The following TUFT1 variants were observed in gnomAD, a reference collection of about 807,000 sequenced individuals.
TUFT1 encodes tuftelin 1, also known as tuftelin.
A neutral mutation model predicts 57.8 loss-of-function variants in TUFT1; 43 were observed. The observed-to-expected ratio is 0.74, with a 90% CI of 0.58 to 0.96. The LOEUF is 0.96. TUFT1 is among the 40% of genes least tolerant of loss of function. The probability of loss-of-function intolerance (pLI) is 0.00; values close to 1 mark genes in which losing one functional copy is unlikely to be tolerated. For missense variants in TUFT1, 459 were observed against 489.0 expected (o/e 0.94, Z 0.58); for synonymous variants, 166 against 176.7 (o/e 0.94, Z 0.48).
At chr1:151,555,891 T>C (rs537706662) in intron 1 of TUFT1, among the ~76,000 whole-genome samples, 3 of 152,162 alleles carry the variant, frequency 2.0e-5, no homozygotes, top group South Asian at 4.2e-4. Context: ...TGCAAAACTG[T>C]GGTACTCTAT....
chr1:151,578,178 T>C (rs1666538499), intron 9 of TUFT1, among the ~76,000 whole-genome samples: 1 of 152,192 alleles, frequency 6.6e-6, no homozygotes, highest in South Asian at 2.1e-4. Flanking sequence ...AAAAACAGCT[T>C]CCCTGGAACC....
In TUFT1 at chr1:151,540,314, G is replaced by A. The variant is rs1473826015; in HGVS notation, c.-53G>A. Reference sequence around the variant, plus strand: ...GGTTCCGCGCGCGCCCGCCCAGTTGGAGCCAGACAGCGGGGTGGACAAGTG... The same window carrying A: ...GGTTCCGCGCGCGCCCGCCCAGTTGAAGCCAGACAGCGGGGTGGACAAGTG... On this transcript the variant is annotated 5_prime_UTR_variant, in exon 1 of 13. Coordinates refer to ENST00000368849, the MANE Select transcript of TUFT1 (RefSeq NM_020127.3). 11 of 1,612,576 alleles carry A rather than the reference G, an allele frequency of 6.8e-6. No individual in the cohort carries two copies. The highest frequency in any genetic ancestry group is 8.5e-6 in the Non-Finnish European group (10 of 1,179,060).
intron 9 of TUFT1, among the ~76,000 whole-genome samples, chr1:151,576,352 C>G (rs918807602): frequency 2.6e-5 from 4 of 152,126 alleles, no homozygotes; most frequent in Non-Finnish European, 5.9e-5. Context: ...TGTGGGTTTT[C>G]CATACCAAGC....
rs200225347 is a variant in TUFT1 at position 151,540,439 on chromosome 1, G to T, written c.60+13G>T. 1.0e-4 allele frequency: 162 copies of T among 1,614,062 alleles called. No individual in the cohort carries two copies. Among genetic ancestry groups the T allele is most frequent in the Non-Finnish European group, 1.3e-4 (156 of 1,179,912 alleles). On this transcript the variant is annotated intron_variant, in intron 1 of 12. Transcript: ENST00000368849. ...GGACCAGGCGGCGGTAAGAAAAAGC[G>T]CTCTCGCTGTCTTCTCCGTTTTGTA...
chr1:151,581,596 A>G lies in TUFT1; in HGVS notation c.1110-48A>G, dbSNP rs372540923. On this transcript the variant is annotated intron_variant, in intron 12 of 12. Transcript: ENST00000368849. ...AGGGGCTCTGTGAAGGGTGGGCCAC[A>G]ACACAGCTGTTCCCAGCACAACTCA... is the stretch of plus-strand genomic sequence containing the variant. The G allele has an allele frequency of 2.9e-5, 46 of 1,598,318 alleles. No homozygotes were observed. In the African/African-American group the frequency reaches 4.7e-4, roughly 16 times the overall value.
Position 151,578,820 on chromosome 1 carries a change from A to C in TUFT1, c.918A>C (p.Ile306=), listed in dbSNP as rs373100970. Residue 306 remains isoleucine, a synonymous_variant, in exon 10 of 13, where the codon ATA becomes ATC. Transcript: ENST00000368849. ...AGCAGCGGAAAGTCCGGCAAATGAT[A>C]GAGCAGGTAAGTTGGGCTGGTTTGT... is the stretch of plus-strand genomic sequence containing the variant. ...KSQQRKVRQM[I]EQLQNSKAVI... 16 of 1,562,204 alleles carry C rather than the reference A, an allele frequency of 1.0e-5. No individual in the cohort carries two copies. Among genetic ancestry groups the C allele is most frequent in the Non-Finnish European group, 1.4e-5 (16 of 1,151,862 alleles).
intron 1 of TUFT1, among the ~76,000 whole-genome samples, chr1:151,561,118 C>T (rs920276717): frequency 1.3e-5 from 2 of 151,820 alleles, no homozygotes; most frequent in Admixed American, 6.6e-5. Context: ...CTCAGCCTCC[C>T]GAGTAGCTGG....
chr1:151,559,191 C>T (rs1665804575), intron 1 of TUFT1, among the ~76,000 whole-genome samples: 1 of 152,208 alleles, frequency 6.6e-6, no homozygotes, highest in Non-Finnish European at 1.5e-5. Flanking sequence ...GTAATATTTT[C>T]TTGACCTAGA....
intron 6 of TUFT1, among the ~76,000 whole-genome samples, chr1:151,566,921 G>A (rs1666103139): frequency 6.6e-6 from 1 of 151,864 alleles, no homozygotes; most frequent in Non-Finnish European, 1.5e-5. Flanking sequence ...TTGACTGATT[G>A]ATTGATTGAT....
chr1:151,545,794 A>G lies in TUFT1; in HGVS notation c.60+5368A>G, dbSNP rs767485608. 10 of 530,656 alleles carry G rather than the reference A, an allele frequency of 1.9e-5. No individual in the cohort carries two copies. The African/African-American group carries it at 1.9e-4, about 10-fold the overall frequency. 32.9% of individuals were successfully genotyped at this position (530,656 alleles called of 1,614,324 possible). A position where few individuals can be genotyped will look rare whatever the true frequency, so the allele number is the denominator to read the frequency against. Reference sequence around the variant, plus strand: ...AGGCCTACAGATAGACCCAGGGTGAAGACCTGAGTAACCTTTGCTAGTCCT... The same window carrying G: ...AGGCCTACAGATAGACCCAGGGTGAGGACCTGAGTAACCTTTGCTAGTCCT... On this transcript the variant is annotated intron_variant, in intron 1 of 12. Transcript: ENST00000368849.
At chr1:151,569,156 A>G (rs1224154007) in intron 6 of TUFT1, among the ~76,000 whole-genome samples, 1 of 152,192 alleles carries the variant, frequency 6.6e-6, no homozygotes, top group Non-Finnish European at 1.5e-5. Context: ...CTGTCCATCC[A>G]TCAGTAACCC....
rs181643703 is a variant in TUFT1 at position 151,551,681 on chromosome 1, G to A, written c.61-10410G>A. Among the ~76,000 whole-genome samples the A allele has an allele frequency of 4.6e-5, 7 of 152,248 alleles. No individual in the cohort carries two copies. The East Asian group carries it at 1.4e-3, about 29-fold the overall frequency. On this transcript the variant is annotated intron_variant, in intron 1 of 12. Transcript: ENST00000368849. ...AGACCCGTTAGCAGAAACAGACTTG[G>A]CTTTGGATGCCTTCTACAATTGGAT...
In TUFT1 at chr1:151,545,787, A is replaced by G. The variant is rs774776076; in HGVS notation, c.60+5361A>G. 2 of 529,392 alleles carry G rather than the reference A, an allele frequency of 3.8e-6. 1 individual carries two copies. The highest frequency in any genetic ancestry group is 3.9e-5 in the Admixed American group (2 of 51,362). 32.8% of individuals were successfully genotyped at this position (529,392 alleles called of 1,614,324 possible). ...GAGAGGAAGGCCTACAGATAGACCC[A>G]GGGTGAAGACCTGAGTAACCTTTGC... On this transcript the variant is annotated intron_variant, in intron 1 of 12. Coordinates refer to ENST00000368849, the MANE Select transcript of TUFT1 (RefSeq NM_020127.3).
chr1:151,574,430 G>A, intron 8 of TUFT1, 32 bp downstream of exon 8: 1 of 1,612,894 alleles, frequency 6.2e-7, no homozygotes, highest in Non-Finnish European at 8.5e-7. Flanking sequence ...TCAGTGCCTG[G>A]ACTCCTGGGC....
intron 1 of TUFT1, among the ~76,000 whole-genome samples, chr1:151,548,352 G>C (rs900306436): frequency 1.4e-4 from 20 of 146,856 alleles, no homozygotes; most frequent in African/African-American, 4.7e-4. Flanking sequence ...CACCAGGCTG[G>C]AGTACAGTGG....
At chr1:151,549,466 C>T (rs1393115877) in intron 1 of TUFT1, among the ~76,000 whole-genome samples, 2 of 152,192 alleles carry the variant, frequency 1.3e-5, no homozygotes, top group Admixed American at 1.3e-4. Context: ...GACAATTTAC[C>T]TCATCCACCC....
Position 151,582,027 on chromosome 1 carries a change from T to C in TUFT1, c.*320T>C, listed in dbSNP as rs1891592. The C allele has an allele frequency of 0.61, 340,680 of 556,156 alleles. 108,982 individuals carry two copies. Among genetic ancestry groups the C allele is most frequent in the Middle Eastern group, 0.73 (2,648 of 3,626 alleles). The allele number at this position is 556,156 out of a possible 1,614,324, so 34.5% of individuals were successfully genotyped here. Reference sequence around the variant, plus strand: ...TCTGTTGTAGACTGGACTCTGGCTGTGCCATAAGCCAGGCCTTCATCAGAT... The same window carrying C: ...TCTGTTGTAGACTGGACTCTGGCTGCGCCATAAGCCAGGCCTTCATCAGAT... On this transcript the variant is annotated 3_prime_UTR_variant, in exon 13 of 13. Coordinates refer to ENST00000368849, the MANE Select transcript of TUFT1 (RefSeq NM_020127.3).
At chr1:151,579,121 C>G (rs1311420173) in intron 10 of TUFT1, among the ~76,000 whole-genome samples, 1 of 152,188 alleles carries the variant, frequency 6.6e-6, no homozygotes, top group Non-Finnish European at 1.5e-5. Flanking sequence ...ATAATAAACT[C>G]TGTTATCTGT....
At chr1:151,581,354 G>A (rs1666641043) in intron 12 of TUFT1, among the ~76,000 whole-genome samples, 1 of 152,154 alleles carries the variant, frequency 6.6e-6, no homozygotes, top group Non-Finnish European at 1.5e-5. Context: ...ATTCAGAAAA[G>A]GACCCATGAT....
Sources: allele counts gnomAD v4.1 joint callset (sites outside exome capture counted in the v4.1 genomes callset), GRCh38; gene constraint gnomAD v4.1.1; transcripts MANE v1.5; gene names NCBI Gene and HGNC (gene_info 2026-07-23, HGNC 2026-07-21).